The following TICRR variants were observed in gnomAD, a reference collection of about 807,000 sequenced individuals.
The protein encoded by TICRR is TOPBP1 interacting checkpoint and replication regulator, also known as treslin.
TICRR carries 132 observed loss-of-function variants against 178.1 expected under a neutral mutation model. The observed-to-expected ratio is 0.74, with a 90% CI of 0.64 to 0.86. TICRR has a LOEUF of 0.86. Among genes scored for constraint, TICRR ranks in the 40% least tolerant of loss-of-function variants. The pLI is 0.00. For synonymous variants in TICRR, 991 were observed against 900.7 expected (o/e 1.10, Z -1.79); for missense variants, 2,587 against 2,334.3 (o/e 1.11, Z -2.23).
intron 13 of TICRR, among the ~76,000 whole-genome samples, chr15:89,604,037 A>G (rs1281754793): frequency 6.7e-6 from 1 of 148,720 alleles, no homozygotes; most frequent in African/African-American, 2.4e-5. Flanking sequence ...TTATTGGTTG[A>G]AAAAAAAATA....
At position 89,616,463 on chromosome 15, in the gene TICRR, C is replaced by T. The variant is rs1963337111; in HGVS notation, c.2928C>T (p.Ser976=). ...VAETPVHKQI[S]KRLLHRQIKG... ...AGACTCCAGTGCATAAGCAGATCTC[C>T]AAAAGGCTGCTGCACAGACAAATCA... is the stretch of plus-strand genomic sequence containing the variant. The change falls in exon 16 of 22, where the codon TCC becomes TCT. Residue 976 remains serine (S), a synonymous_variant. Coordinates refer to ENST00000268138, the MANE Select transcript of TICRR (RefSeq NM_152259.4). The T allele has an allele frequency of 1.9e-6, 3 of 1,613,862 alleles. No homozygotes were observed. Among genetic ancestry groups the T allele is most frequent in the Non-Finnish European group, 2.5e-6 (3 of 1,179,914 alleles).
At chr15:89,626,149 C>A in intron 21 of TICRR, 88 bp downstream of exon 21, 1 of 1,511,612 alleles carries the variant, frequency 6.6e-7, no homozygotes, top group South Asian at 1.3e-5. Flanking sequence ...TCTAGAGGAG[C>A]CCCAGGGAGT....
intron 3 of TICRR, 47 bp from the exon 4 acceptor site, chr15:89,585,661 G>C: frequency 7.8e-7 from 1 of 1,285,348 alleles, no homozygotes; most frequent in African/African-American, 1.4e-5. Flanking sequence ...TTCTTCTTTA[G>C]GCATATTGAC....
In TICRR at chr15:89,616,434, G is replaced by A; in HGVS notation, c.2899G>A (p.Ala967Thr). ...GYHKLLTKSV[A>T]ETPVHKQISK... ...TCACAAACTGCTGACTAAGAGTGTG[G>A]CCGAGACTCCAGTGCATAAGCAGAT... Residue 967 changes from alanine (A) to threonine (T), a missense_variant, in exon 16 of 22, where the codon GCC becomes ACC. Coordinates refer to ENST00000268138, the MANE Select transcript of TICRR (RefSeq NM_152259.4). 2.5e-6 allele frequency: 4 copies of A among 1,614,010 alleles called. 1 individual carries two copies. In the South Asian group the frequency reaches 4.4e-5, roughly 18 times the overall value.
At chr15:89,594,961 AT>A (rs1962972529) in intron 6 of TICRR, among the ~76,000 whole-genome samples, 1 of 152,106 alleles carries the variant, frequency 6.6e-6, no homozygotes, top group African/African-American at 2.4e-5. Context: ...TATGCGTATA[AT>A]TTGTTTTTTA....
In TICRR at chr15:89,624,395, C is replaced by A; in HGVS notation, c.4085C>A (p.Pro1362His). Residue 1362 changes from proline to histidine, a missense_variant, in exon 20 of 22, where the codon CCT becomes CAT. Physicochemically the swap from Pro to His is moderately conservative, Grantham distance 77. Transcript: ENST00000268138. ...TCCTGCCCTGTTCCCTCAACTCCCC[C>A]TGAACTCTCACAGAGAGCTACATTG... is the stretch of plus-strand genomic sequence containing the variant. ...SLSCPVPSTPPELSQRATLDT... is the reference protein window; with the variant it reads ...SLSCPVPSTPHELSQRATLDT... 1 of 1,614,218 alleles carries A rather than the reference C, an allele frequency of 6.2e-7. No homozygotes were observed. Among genetic ancestry groups the A allele is most frequent in the Non-Finnish European group, 8.5e-7 (1 of 1,180,040 alleles).
chr15:89,582,839 C>A lies in TICRR; in HGVS notation c.808C>A (p.Pro270Thr). Residue 270 changes from proline to threonine, a missense_variant, in exon 2 of 22, where the codon CCT (proline) becomes ACT (threonine). By Grantham distance (38) the Pro-to-Thr change is conservative (BLOSUM62 -1). Transcript: ENST00000268138. ...GAGTGGAATAAAGCTGTCAAGTGAACCTCATCTTTCTCCGTGGATTTCAAT... is the reference window on the plus strand; with the variant it reads ...GAGTGGAATAAAGCTGTCAAGTGAAACTCATCTTTCTCCGTGGATTTCAAT... ...LRSGIKLSSE[P>T]HLSPWISMLP... is the part of the protein sequence containing the mutation. 1.9e-6 allele frequency: 3 copies of A among 1,614,184 alleles called. No homozygotes were observed. The highest frequency in any genetic ancestry group is 2.5e-6 in the Non-Finnish European group (3 of 1,180,028).
intron 4 of TICRR, 68 bp downstream of exon 4, chr15:89,586,010 T>A: frequency 8.3e-7 from 1 of 1,208,024 alleles, no homozygotes; most frequent in Non-Finnish European, 1.2e-6. Context: ...ATCGGGACTT[T>A]TTCACTGTGC....
At chr15:89,608,685 T>C (rs926331095) in intron 14 of TICRR, 118 bp from the exon 15 acceptor site, 11 of 785,474 alleles carry the variant, frequency 1.4e-5, no homozygotes, top group Non-Finnish European at 2.1e-5. Context: ...TATGTGACAA[T>C]AGCAATCTGT....
chr15:89,626,393 T>G (rs553681632), intron 21 of TICRR, among the ~76,000 whole-genome samples: 7 of 152,226 alleles, frequency 4.6e-5, no homozygotes, highest in African/African-American at 1.7e-4. Context: ...TAGGCCTGTT[T>G]AGAGCTAGTT....
rs201455261 is a variant in TICRR at position 89,578,646 on chromosome 15, ATCTC to A, written c.654+2416_654+2419del. ...CTTTGTCTCTCTTTTTTTCTCTTTA[ATCTC>A]TCTCTCTCTTTTTTTTTTTGAATAG... On this transcript the variant is annotated intron_variant, in intron 1 of 21. Transcript: ENST00000268138. 1.3e-4 allele frequency among the ~76,000 whole-genome samples: 17 copies of A among 134,672 alleles called. No homozygotes were observed. The South Asian group carries it at 3.2e-3, about 26-fold the overall frequency. 88.4% of individuals were successfully genotyped at this position (134,672 alleles called of 152,430 possible). A position where few individuals can be genotyped will look rare whatever the true frequency, so the allele number is the denominator to read the frequency against.
Position 89,627,657 on chromosome 15 carries a change from G to C in TICRR, c.*571G>C, listed in dbSNP as rs1293674779. On this transcript the variant is annotated 3_prime_UTR_variant, in exon 22 of 22. Coordinates refer to ENST00000268138, the MANE Select transcript of TICRR (RefSeq NM_152259.4). ...TGAGGTTAACTGTGACCATGGTCCAGCTTGAGTGGCTTCTGGAGCAGCCAC... is the reference window on the plus strand; with the variant it reads ...TGAGGTTAACTGTGACCATGGTCCACCTTGAGTGGCTTCTGGAGCAGCCAC... 2 of 153,580 alleles carry C rather than the reference G, an allele frequency of 1.3e-5. No homozygotes were observed. The highest frequency in any genetic ancestry group is 2.9e-5 in the Non-Finnish European group (2 of 68,974). 9.5% of individuals were successfully genotyped at this position (153,580 alleles called of 1,614,324 possible).
chr15:89,598,048 A>T (rs995980492), intron 7 of TICRR, among the ~76,000 whole-genome samples: 3 of 152,226 alleles, frequency 2.0e-5, no homozygotes, highest in Admixed American at 1.3e-4. Context: ...TTACTGGCAT[A>T]TGGGAAAGCA....
Position 89,607,015 on chromosome 15 carries a change from C to T in TICRR, c.2722+190C>T, listed in dbSNP as rs138926934. On this transcript the variant is annotated intron_variant, in intron 14 of 21. Coordinates refer to ENST00000268138, the MANE Select transcript of TICRR (RefSeq NM_152259.4). ...CAAAATATTGTATTTTACAAAATAA[C>T]TGGTCTGAAATCTTTAAAAACAAAA... Among the ~76,000 whole-genome samples, 202 of 151,940 alleles carry T rather than the reference C, an allele frequency of 1.3e-3. 1 individual carries two copies. The highest frequency in any genetic ancestry group is 4.6e-3 in the African/African-American group (190 of 41,450).
chr15:89,596,554 T>C (rs1486326739), intron 7 of TICRR, among the ~76,000 whole-genome samples: 7 of 152,072 alleles, frequency 4.6e-5, no homozygotes, highest in Non-Finnish European at 8.8e-5. Context: ...ATCATATTGG[T>C]CAGGCTGGTT....
rs1963056032 is a variant in TICRR at position 89,599,421 on chromosome 15, CATG to C, written c.2001_2003del (p.Met667del). On this transcript the variant is annotated inframe_deletion, in exon 8 of 22. Transcript: ENST00000268138. ...TCATGTTGTATGCATGTGCTCGAAA[CATG>C]ATCTCAACCGTTAAAATGTTCCTAA... is the stretch of plus-strand genomic sequence containing the variant. 1 of 1,613,446 alleles carries C rather than the reference CATG, an allele frequency of 6.2e-7. No individual in the cohort carries two copies. Among genetic ancestry groups the C allele is most frequent in the South Asian group, 1.1e-5 (1 of 90,994 alleles).
At position 89,627,015 on chromosome 15, in the gene TICRR, T is replaced by C. The variant is rs772983888; in HGVS notation, c.5662T>C (p.Ser1888Pro). The C allele has an allele frequency of 3.1e-6, 5 of 1,614,138 alleles. No homozygotes were observed. The highest frequency in any genetic ancestry group is 3.4e-6 in the Non-Finnish European group (4 of 1,180,032). The change falls in exon 22 of 22, where the codon TCC becomes CCC. Residue 1888 changes from serine (S) to proline (P), a missense_variant. Coordinates refer to ENST00000268138, the MANE Select transcript of TICRR (RefSeq NM_152259.4). The stretch of plus-strand genomic sequence containing the variant: ...AGACTCTCCTTTCAGTCGCGCTTTC[T>C]CCAGGAGGCGCCCCATCAGCAGAAC... ...VEDSPFSRAF[S>P]RRRPISRTYT... is the part of the protein sequence containing the mutation.
intron 19 of TICRR, among the ~76,000 whole-genome samples, chr15:89,623,196 T>C (rs1312874200): frequency 6.6e-6 from 1 of 152,202 alleles, no homozygotes; most frequent in Non-Finnish European, 1.5e-5. Context: ...GCCTGGCACA[T>C]AGCAGGTGAT....
At chr15:89,598,188 T>A (rs1422594106) in intron 7 of TICRR, among the ~76,000 whole-genome samples, 1 of 152,078 alleles carries the variant, frequency 6.6e-6, no homozygotes, top group African/African-American at 2.4e-5. Flanking sequence ...TTAGCCAGGA[T>A]GGTCTCGATC....
Sources: allele counts gnomAD v4.1 joint callset (sites outside exome capture counted in the v4.1 genomes callset), GRCh38; gene constraint gnomAD v4.1.1; transcripts MANE v1.5; gene names NCBI Gene and HGNC (gene_info 2026-07-23, HGNC 2026-07-21).